Variants in CSMD1 observed in about 807,000 individuals in gnomAD.
CSMD1 encodes the protein CUB and sushi domain-containing protein 1.
CSMD1 carries 213 observed loss-of-function variants against 417.5 expected under a neutral mutation model. The observed-to-expected ratio is 0.51, with a 90% confidence interval of 0.46 to 0.57. The LOEUF (loss-of-function observed/expected upper bound fraction) is 0.57. Ranked by LOEUF, CSMD1 falls within the 20% of genes least tolerant of loss-of-function variation. CSMD1 has a pLI of 0.00. For missense variants in CSMD1, 6,923 were observed against 4,529.7 expected (o/e 1.53, Z -15.17); for synonymous variants, 2,862 against 1,736.8 (o/e 1.65, Z -16.11).
Position 3,408,089 on chromosome 8 carries a change from A to G in CSMD1, c.1881T>C (p.Asn627=), listed in dbSNP as rs1315990202. The change falls in exon 14 of 70, where the codon AAT becomes AAC. Residue 627 remains asparagine, a synonymous_variant. Coordinates refer to ENST00000635120, the MANE Select transcript of CSMD1 (RefSeq NM_033225.6). ...EPGSRIHLIF[N]DFDVEPQFDF... is the part of the protein sequence containing the mutation. ...CAAACTGAGGCTCAACATCAAAATC[A>G]TTAAAGATTAGGTGAATTCGACTTC... is the stretch of plus-strand genomic sequence containing the variant. The G allele has an allele frequency of 6.2e-7, 1 of 1,613,970 alleles. No individual in the cohort carries two copies. Among genetic ancestry groups the G allele is most frequent in the Non-Finnish European group, 8.5e-7 (1 of 1,179,884 alleles).
chr8:3,327,855 CCT>C (rs746094803), intron 23 of CSMD1, among the ~76,000 whole-genome samples: 1 of 152,024 alleles, frequency 6.6e-6, no homozygotes, highest in African/African-American at 2.4e-5. Context: ...CTGCATATGC[CCT>C]GTGTCCTTCT....
At chr8:3,475,137 T>C (rs1324324712) in intron 11 of CSMD1, among the ~76,000 whole-genome samples, 4 of 152,118 alleles carry the variant, frequency 2.6e-5, no homozygotes. Context: ...TAAGAGTCTT[T>C]GAAGACTCTG....
intron 3 of CSMD1, among the ~76,000 whole-genome samples, chr8:4,360,887 G>C (rs925196309): frequency 6.6e-6 from 1 of 152,150 alleles, no homozygotes; most frequent in South Asian, 2.1e-4. Context: ...AGCACTGACA[G>C]GTCCCCTGAA....
At chr8:4,897,244 A>G (rs915961792) in intron 1 of CSMD1, among the ~76,000 whole-genome samples, 5 of 152,090 alleles carry the variant, frequency 3.3e-5, no homozygotes, top group Admixed American at 6.5e-5. Flanking sequence ...CTGTGTCAAA[A>G]TCCTTTCATC....
chr8:4,994,236 T>C, intron 1 of CSMD1, 96 bp downstream of exon 1: 2 of 1,122,202 alleles, frequency 1.8e-6, no homozygotes, highest in Non-Finnish European at 2.6e-6. Flanking sequence ...AGGCGGCCAC[T>C]CCGTACCCTG....
intron 3 of CSMD1, among the ~76,000 whole-genome samples, chr8:4,064,603 G>A (rs549352574): frequency 5.9e-5 from 9 of 152,288 alleles, no homozygotes; most frequent in Admixed American, 3.9e-4. Context: ...GTTTCCGAAC[G>A]TGGCAAGGCT....
chr8:3,773,617 G>C (rs1798737828), intron 5 of CSMD1, among the ~76,000 whole-genome samples: 1 of 152,132 alleles, frequency 6.6e-6, no homozygotes, highest in Non-Finnish European at 1.5e-5. Context: ...GACAAAGTAA[G>C]TCCAGTGTAA....
intron 1 of CSMD1, among the ~76,000 whole-genome samples, chr8:4,813,774 T>G (rs1224345300): frequency 6.6e-6 from 1 of 152,180 alleles, no homozygotes; most frequent in Admixed American, 6.5e-5. Flanking sequence ...GGAGTAATTT[T>G]ACTGTTGCTT....
At chr8:2,945,672 C>A (rs570413765) in intron 68 of CSMD1, among the ~76,000 whole-genome samples, 2 of 152,220 alleles carry the variant, frequency 1.3e-5, no homozygotes, top group Admixed American at 6.5e-5. Flanking sequence ...CAGCTCTGTG[C>A]GATCCCTCTG....
chr8:2,972,179 C>T (rs930539313), intron 57 of CSMD1, among the ~76,000 whole-genome samples: 1 of 151,398 alleles, frequency 6.6e-6, no homozygotes, highest in Admixed American at 6.6e-5. Context: ...TTCTATTTAC[C>T]TATATAGAAT....
At chr8:4,400,835 G>C (rs1163149073) in intron 3 of CSMD1, among the ~76,000 whole-genome samples, 9 of 149,650 alleles carry the variant, frequency 6.0e-5, no homozygotes, top group East Asian at 2.0e-4. Flanking sequence ...GGCATTTGAA[G>C]AACATTTTTT....
intron 1 of CSMD1, among the ~76,000 whole-genome samples, chr8:4,786,958 G>A (rs1228776966): frequency 6.6e-6 from 1 of 152,124 alleles, no homozygotes; most frequent in African/African-American, 2.4e-5. Flanking sequence ...ATGTTTTTAA[G>A]GCAATATTGT....
At chr8:4,951,018 G>A (rs971751990) in intron 1 of CSMD1, among the ~76,000 whole-genome samples, 2 of 151,176 alleles carry the variant, frequency 1.3e-5, no homozygotes, top group Admixed American at 6.6e-5. Flanking sequence ...AATAGAGAAG[G>A]GACCTATACA....
intron 5 of CSMD1, among the ~76,000 whole-genome samples, chr8:3,806,069 C>A (rs775717513): frequency 1.2e-4 from 18 of 152,094 alleles, no homozygotes; most frequent in Non-Finnish European, 2.5e-4. Flanking sequence ...TATAATTGGA[C>A]AAAAATTGTT....
At chr8:3,421,191 G>A (rs754228254) in intron 12 of CSMD1, among the ~76,000 whole-genome samples, 5 of 152,166 alleles carry the variant, frequency 3.3e-5, no homozygotes, top group African/African-American at 1.2e-4. Context: ...CTACAAGACA[G>A]TTGAAACCAA....
chr8:3,262,196 T>A lies in CSMD1; in HGVS notation c.4153+21948A>T, dbSNP rs1166240977. Reference sequence around the variant, plus strand: ...TTATGCTCATATGAATATATATATATATATATATATATATATATATATATA... The same window carrying A: ...TTATGCTCATATGAATATATATATAAATATATATATATATATATATATATA... On this transcript the variant is annotated intron_variant, in intron 26 of 69. Transcript: ENST00000635120. 2.8e-4 allele frequency among the ~76,000 whole-genome samples: 21 copies of A among 74,528 alleles called. 1 individual carries two copies. The highest frequency in any genetic ancestry group is 6.8e-4 in the South Asian group (2 of 2,958). The allele number at this position is 74,528 out of a possible 152,430, so 48.9% of individuals were successfully genotyped here.
chr8:4,820,433 A>G (rs1799457846), intron 1 of CSMD1, among the ~76,000 whole-genome samples: 1 of 152,188 alleles, frequency 6.6e-6, no homozygotes. Flanking sequence ...GCAAGATTAA[A>G]TAGTAGCCAT....
In CSMD1 at chr8:3,670,085, T is replaced by C. The variant is rs117580243; in HGVS notation, c.1009+38329A>G. 2.9e-3 allele frequency among the ~76,000 whole-genome samples: 436 copies of C among 152,184 alleles called. 11 individuals carry two copies. In the East Asian group the frequency reaches 0.066, roughly 23 times the overall value. ...TGGTTAATACTGAGTGTCAACTTGA[T>C]TGGATTAAAGGATGCAAAGTGTTGA... On this transcript the variant is annotated intron_variant, in intron 7 of 69. Coordinates refer to ENST00000635120, the MANE Select transcript of CSMD1 (RefSeq NM_033225.6).
chr8:3,825,451 C>T (rs1300898843), intron 5 of CSMD1, among the ~76,000 whole-genome samples: 1 of 152,170 alleles, frequency 6.6e-6, no homozygotes, highest in Admixed American at 6.5e-5. Flanking sequence ...ATCGCTTGAA[C>T]CTGGGAAGTG....
Sources: gnomAD v4.1 joint callset for allele counts (sites outside exome capture counted in the v4.1 genomes callset) on GRCh38, gnomAD v4.1.1 for gene constraint, MANE v1.5 for transcripts, NCBI Gene and HGNC (gene_info 2026-07-23, HGNC 2026-07-21) for gene names.